The following GPR141 variants were observed in gnomAD, a reference collection of about 807,000 sequenced individuals.
GPR141 encodes the protein probable G protein-coupled receptor 141.
GPR141 carries 6 observed loss-of-function variants against 6.8 expected under a neutral mutation model. That is an observed-to-expected ratio of 0.88 (90% CI 0.48 to 1.74). GPR141 has a LOEUF of 1.74. GPR141 is among the 40% of genes most tolerant of loss of function. The pLI, the probability that GPR141 is intolerant of heterozygous loss-of-function variation, is 0.01. For synonymous variants in GPR141, 140 were observed against 142.3 expected (o/e 0.98, Z 0.11); for missense variants, 372 against 372.9 (o/e 1.00, Z 0.02).
At chr7:37,708,330 A>AAC (rs1190567653) in intron 2 of GPR141, among the ~76,000 whole-genome samples, 3 of 150,846 alleles carry the variant, frequency 2.0e-5, no homozygotes, top group East Asian at 3.9e-4. Flanking sequence ...AAAAAAAAAA[A>AAC]AAAAACGCAA....
rs374834867 is a variant in GPR141 at position 37,694,764 on chromosome 7, T to C, written c.-15+9181T>C. On this transcript the variant is annotated intron_variant, in intron 2 of 2. Coordinates refer to ENST00000334425, the MANE Select transcript of GPR141 (RefSeq NM_001381946.1). ...AATTAATAGAGCAAGAATTCACTTA[T>C]TACCATGAGGAGAGCACCAAGCCAT... 2.0e-5 allele frequency among the ~76,000 whole-genome samples: 3 copies of C among 152,248 alleles called. No individual in the cohort carries two copies. The East Asian group carries it at 5.8e-4, about 29-fold the overall frequency.
At position 37,701,649 on chromosome 7, in the gene GPR141, A is replaced by G. The variant is rs1810281471; in HGVS notation, c.-15+16066A>G. ...TGGTTATCCTGCATTTTATCTGTCA[A>G]CCCTACACACAAATCCTTAAGGCTC... On this transcript the variant is annotated intron_variant, in intron 2 of 2. Transcript: ENST00000334425. 4.6e-5 allele frequency among the ~76,000 whole-genome samples: 7 copies of G among 152,250 alleles called. No individual in the cohort carries two copies. In the South Asian group the frequency reaches 1.4e-3, roughly 32 times the overall value.
At chr7:37,736,368 T>C (rs752309060) in intron 2 of GPR141, among the ~76,000 whole-genome samples, 55 of 152,028 alleles carry the variant, frequency 3.6e-4, no homozygotes, top group Non-Finnish European at 6.6e-4. Context: ...ATAACTATAA[T>C]TGAACTTTAA....
intron 2 of GPR141, among the ~76,000 whole-genome samples, chr7:37,724,118 G>T (rs1290278650): frequency 2.6e-5 from 4 of 152,090 alleles, no homozygotes; most frequent in African/African-American, 9.7e-5. Context: ...TTCCCTTGTA[G>T]GTAACCAGAA....
At chr7:37,730,377 G>A (rs763053059) in intron 2 of GPR141, among the ~76,000 whole-genome samples, 12 of 152,176 alleles carry the variant, frequency 7.9e-5, no homozygotes, top group Non-Finnish European at 1.3e-4. Context: ...CACCTTGTAA[G>A]CTTCAGTTGT....
intron 2 of GPR141, among the ~76,000 whole-genome samples, chr7:37,690,458 T>C (rs11769115): frequency 0.42 from 64,156 of 151,914 alleles, 14,153 homozygotes; most frequent in African/African-American, 0.53. Context: ...GTGCCTGCTC[T>C]TGCTTTGCCT....
chr7:37,702,564 A>C (rs1288471869), intron 2 of GPR141, among the ~76,000 whole-genome samples: 17 of 151,872 alleles, frequency 1.1e-4, no homozygotes, highest in Admixed American at 1.1e-3. Flanking sequence ...CAATACACAT[A>C]TCTCGGAACA....
intron 2 of GPR141, among the ~76,000 whole-genome samples, chr7:37,707,479 C>T (rs1810576595): frequency 6.6e-6 from 1 of 152,170 alleles, no homozygotes; most frequent in Admixed American, 6.5e-5. Context: ...TCCTGGCCCT[C>T]TGAGGAAGGT....
chr7:37,699,547 C>T (rs866392015), intron 2 of GPR141, among the ~76,000 whole-genome samples: 3 of 152,208 alleles, frequency 2.0e-5, no homozygotes, highest in Middle Eastern at 3.4e-3. Flanking sequence ...GGCAACACAG[C>T]GAGACTCCGA....
intron 2 of GPR141, among the ~76,000 whole-genome samples, chr7:37,739,614 GA>G (rs1191923992): frequency 2.0e-5 from 3 of 152,172 alleles, no homozygotes; most frequent in Non-Finnish European, 4.4e-5. Context: ...TAAGAATATG[GA>G]GAATGAATTA....
intron 2 of GPR141, among the ~76,000 whole-genome samples, chr7:37,710,647 A>ATTTTTTT (rs539807384): frequency 1.3e-3 from 200 of 152,320 alleles, no homozygotes; most frequent in African/African-American, 4.6e-3. Flanking sequence ...ACTCACTTTA[A>ATTTTTTT]TAAGTATAAA....
At chr7:37,692,868 T>C (rs1809840578) in intron 2 of GPR141, among the ~76,000 whole-genome samples, 1 of 152,206 alleles carries the variant, frequency 6.6e-6, no homozygotes, top group Admixed American at 6.5e-5. Context: ...GTAAATTTGT[T>C]TGAGTTCCTT....
chr7:37,740,880 G>T lies in GPR141; in HGVS notation c.487G>T (p.Glu163Ter). 6.2e-7 allele frequency: 1 copy of T among 1,614,036 alleles called. No individual in the cohort carries two copies. Among genetic ancestry groups the T allele is most frequent in the East Asian group, 2.2e-5 (1 of 44,886 alleles). The change falls in exon 3 of 3, where the codon GAG (glutamate) becomes TAG (stop). Residue 163 changes from glutamate (E) to a stop codon, truncating the protein, a stop_gained. Transcript: ENST00000334425. LOFTEE classifies it low-confidence loss of function (END_TRUNC). ...GTATGGAATCCATGAGGAATACAATGAGGAGCACTGTTTTAAATTTCACAA... is the reference window on the plus strand; with the variant it reads ...GTATGGAATCCATGAGGAATACAATTAGGAGCACTGTTTTAAATTTCACAA... Reference protein sequence around the residue: ...SRYGIHEEYNEEHCFKFHKEL... With the variant: ...SRYGIHEEYN
intron 2 of GPR141, among the ~76,000 whole-genome samples, chr7:37,694,024 G>A (rs71544494): frequency 6.6e-6 from 1 of 152,172 alleles, no homozygotes; most frequent in Non-Finnish European, 1.5e-5. Flanking sequence ...TTTCGGCTTA[G>A]GTGCTGCAGG....
chr7:37,736,337 A>G (rs1275962711), intron 2 of GPR141, among the ~76,000 whole-genome samples: 1 of 152,134 alleles, frequency 6.6e-6, no homozygotes, highest in Non-Finnish European at 1.5e-5. Context: ...AGACAGAAGG[A>G]AAGCAGTTAA....
intron 2 of GPR141, among the ~76,000 whole-genome samples, chr7:37,708,331 A>AAC (rs1554341198): frequency 2.0e-5 from 3 of 151,042 alleles, no homozygotes; most frequent in Admixed American, 6.6e-5. Context: ...AAAAAAAAAA[A>AAC]AAAACGCAAA....
intron 2 of GPR141, among the ~76,000 whole-genome samples, chr7:37,710,647 A>T (rs1810751747): frequency 1.3e-5 from 2 of 152,202 alleles, no homozygotes; most frequent in Non-Finnish European, 2.9e-5. Flanking sequence ...ACTCACTTTA[A>T]TAAGTATAAA....
intron 2 of GPR141, among the ~76,000 whole-genome samples, chr7:37,699,304 G>C (rs760591492): frequency 5.9e-5 from 9 of 152,234 alleles, no homozygotes; most frequent in Non-Finnish European, 1.0e-4. Context: ...GCTCACACCT[G>C]TAATCCCAGC....
chr7:37,695,388 G>C (rs1809968871), intron 2 of GPR141, among the ~76,000 whole-genome samples: 1 of 152,226 alleles, frequency 6.6e-6, no homozygotes, highest in African/African-American at 2.4e-5. Flanking sequence ...GAGCACAGCT[G>C]TGTGGACTCC....
Sources: gnomAD v4.1 joint callset for allele counts (sites outside exome capture counted in the v4.1 genomes callset) on GRCh38, gnomAD v4.1.1 for gene constraint, MANE v1.5 for transcripts, NCBI Gene and HGNC (gene_info 2026-07-23, HGNC 2026-07-21) for gene names.